Variants in PDE4D observed in about 807,000 individuals in gnomAD.
The protein encoded by PDE4D is phosphodiesterase 4D, also known as 3',5'-cyclic-AMP phosphodiesterase 4D.
PDE4D carries 24 observed loss-of-function variants against 87.4 expected under a neutral mutation model. That is an observed-to-expected ratio of 0.27 (90% confidence interval 0.20 to 0.39). The LOEUF is 0.39. Among genes scored for constraint, PDE4D ranks in the 10% least tolerant of loss-of-function variants. PDE4D has a pLI of 1.00. For synonymous variants in PDE4D, 384 were observed against 383.2 expected, an observed-to-expected ratio of 1.00 and a Z score of -0.02; for missense variants, 714 against 1,041.0, an observed-to-expected ratio of 0.69 and a Z score of 4.32.
chr5:60,242,676 G>A (rs1350435900), intron 1 of PDE4D, among the ~76,000 whole-genome samples: 1 of 151,832 alleles, frequency 6.6e-6, no homozygotes, highest in Admixed American at 6.6e-5. Context: ...TAAAACAAGA[G>A]GAATTTTGGA....
chr5:59,014,405 C>T, intron 6 of PDE4D, among the ~76,000 whole-genome samples: 1 of 152,204 alleles, frequency 6.6e-6, no homozygotes, highest in Non-Finnish European at 1.5e-5. Context: ...ACCCCATCAT[C>T]TCAGCCCAAA....
chr5:59,744,858 G>T (rs529721617), intron 1 of PDE4D, among the ~76,000 whole-genome samples: 26 of 151,994 alleles, frequency 1.7e-4, no homozygotes, highest in Non-Finnish European at 3.1e-4. Context: ...TTTTTTCCTG[G>T]ATAGCTATGG....
intron 3 of PDE4D, among the ~76,000 whole-genome samples, chr5:59,967,040 C>A (rs140277569): frequency 6.6e-6 from 1 of 152,118 alleles, no homozygotes; most frequent in Admixed American, 6.6e-5. Context: ...ATTTTTATGG[C>A]GAGCTGACCT....
chr5:59,690,303 G>A (rs375840472), intron 1 of PDE4D, among the ~76,000 whole-genome samples: 4 of 152,058 alleles, frequency 2.6e-5, no homozygotes, highest in South Asian at 2.1e-4. Context: ...GCATCACGCT[G>A]CCTGACTTCA....
chr5:59,703,997 A>G (rs1394791592), intron 1 of PDE4D, among the ~76,000 whole-genome samples: 1 of 152,090 alleles, frequency 6.6e-6, no homozygotes, highest in Admixed American at 6.6e-5. Flanking sequence ...TGAGACAGAG[A>G]AAGAGAGGGA....
intron 1 of PDE4D, among the ~76,000 whole-genome samples, chr5:59,889,139 A>G (rs2152751907): frequency 6.6e-6 from 1 of 151,430 alleles, no homozygotes; most frequent in East Asian, 1.9e-4. Context: ...AAGGCAGGAG[A>G]ATCCCTTGAA....
At position 58,976,230 on chromosome 5, in the gene PDE4D, C is replaced by T. The variant is rs564898732; in HGVS notation, c.1830+120G>A. On this transcript the variant is annotated intron_variant, in intron 13 of 14. Coordinates refer to ENST00000340635, the MANE Select transcript of PDE4D (RefSeq NM_001104631.2). Reference sequence around the variant, plus strand: ...AAAATTTGGATAAAAATCCTGCCTACAATTGCTGAAAGTATAAGGTGGGAG... The same window carrying T: ...AAAATTTGGATAAAAATCCTGCCTATAATTGCTGAAAGTATAAGGTGGGAG... 115 of 1,098,104 alleles carry T rather than the reference C, an allele frequency of 1.0e-4. No individual in the cohort carries two copies. The South Asian group carries it at 2.5e-3, about 23-fold the overall frequency. The allele number at this position is 1,098,104 out of a possible 1,614,324, so 68.0% of individuals were successfully genotyped here.
At chr5:59,035,011 C>T (rs755151556) in intron 6 of PDE4D, among the ~76,000 whole-genome samples, 10 of 152,232 alleles carry the variant, frequency 6.6e-5, no homozygotes, top group Non-Finnish European at 1.2e-4. Flanking sequence ...AAGAGGATAA[C>T]GTTACAGGGT....
At chr5:60,434,437 CT>C (rs33916352) in intron 1 of PDE4D, among the ~76,000 whole-genome samples, 11 of 148,368 alleles carry the variant, frequency 7.4e-5, no homozygotes, top group South Asian at 4.3e-4. Flanking sequence ...GAACATGTCT[CT>C]TTTTTTTTTA....
At chr5:60,246,045 C>A (rs1254994860) in intron 1 of PDE4D, among the ~76,000 whole-genome samples, 3 of 151,114 alleles carry the variant, frequency 2.0e-5, no homozygotes, top group African/African-American at 4.9e-5. Context: ...CAAAATATCT[C>A]ATGTACCCCA....
At chr5:59,651,714 A>AT (rs1427208347) in intron 1 of PDE4D, among the ~76,000 whole-genome samples, 4 of 152,202 alleles carry the variant, frequency 2.6e-5, no homozygotes, top group African/African-American at 9.7e-5. Context: ...TCTTAAAAGT[A>AT]TTTTTGGAGA....
At chr5:59,097,411 T>G (rs1769939045) in intron 5 of PDE4D, among the ~76,000 whole-genome samples, 1 of 152,178 alleles carries the variant, frequency 6.6e-6, no homozygotes, top group South Asian at 2.1e-4. Flanking sequence ...AGAACTGCAG[T>G]AGGTTTTCTA....
chr5:59,569,479 A>G (rs1252006738), intron 1 of PDE4D, among the ~76,000 whole-genome samples: 1 of 152,196 alleles, frequency 6.6e-6, no homozygotes, highest in African/African-American at 2.4e-5. Flanking sequence ...AAAGAGAAAA[A>G]TTTCAGCAAA....
At chr5:59,112,103 G>A (rs911124296) in intron 5 of PDE4D, among the ~76,000 whole-genome samples, 2 of 152,114 alleles carry the variant, frequency 1.3e-5, no homozygotes, top group Non-Finnish European at 2.9e-5. Flanking sequence ...GGTCATGGAT[G>A]GCCTAATGGA....
intron 6 of PDE4D, chr5:58,999,567 A>ATATG (rs1431180542): frequency 6.5e-6 from 7 of 1,069,854 alleles, no homozygotes; most frequent in South Asian, 6.0e-5. Flanking sequence ...ATATATATAT[A>ATATG]TGTATATATA....
At chr5:59,562,523 A>C (rs988485715) in intron 1 of PDE4D, among the ~76,000 whole-genome samples, 1 of 152,240 alleles carries the variant, frequency 6.6e-6, no homozygotes, top group African/African-American at 2.4e-5. Context: ...AGACAAATGA[A>C]GATGTTGTGA....
At chr5:59,368,852 C>A (rs1367497664) in intron 1 of PDE4D, among the ~76,000 whole-genome samples, 1 of 152,152 alleles carries the variant, frequency 6.6e-6, no homozygotes, top group Non-Finnish European at 1.5e-5. Flanking sequence ...CCTAACCAAA[C>A]CATCATGAAA....
chr5:59,639,831 G>A (rs1171421222), intron 1 of PDE4D, among the ~76,000 whole-genome samples: 1 of 150,876 alleles, frequency 6.6e-6, no homozygotes, highest in African/African-American at 2.4e-5. Flanking sequence ...GTGTGTGTGT[G>A]TGTGTGTGTG....
chr5:59,842,786 A>G (rs1332959256), intron 1 of PDE4D, among the ~76,000 whole-genome samples: 2 of 152,006 alleles, frequency 1.3e-5, no homozygotes, highest in Admixed American at 1.3e-4. Flanking sequence ...GCTTTTTTAA[A>G]CTCACATTCA....
Sources: gnomAD v4.1 joint callset for allele counts (sites outside exome capture counted in the v4.1 genomes callset) on GRCh38, gnomAD v4.1.1 for gene constraint, MANE v1.5 for transcripts, NCBI Gene and HGNC (gene_info 2026-07-23, HGNC 2026-07-21) for gene names.